Variants in CDYL observed in about 807,000 individuals in gnomAD.
The protein encoded by CDYL is chromodomain Y-like protein.
In CDYL, 8 loss-of-function variants were observed where a neutral mutation model predicts 47.3. The ratio of observed to expected loss-of-function variants is 0.17; its 90% confidence interval spans 0.10 to 0.31. The LOEUF (loss-of-function observed/expected upper bound fraction) is 0.31, where lower values mean the gene tolerates loss of function less well. Ranked by LOEUF, CDYL falls within the 10% of genes least tolerant of loss-of-function variation. The pLI, the probability that CDYL is intolerant of heterozygous loss-of-function variation, is 1.00. For synonymous variants in CDYL, 266 were observed against 265.0 expected (o/e 1.00, Z -0.04); for missense variants, 471 against 701.4 (o/e 0.67, Z 3.71).
rs143538444 is a variant in CDYL, at chr6:4,777,226, C to T, written c.24+419C>T. ...TTTGGGAGAGGGTTTTGCCCCTGGTCGGGGGGTGGCGGGGAGAAGACCGGT... is the reference window on the plus strand; with the variant it reads ...TTTGGGAGAGGGTTTTGCCCCTGGTTGGGGGGTGGCGGGGAGAAGACCGGT... On this transcript the variant is annotated intron_variant, in intron 1 of 6. Coordinates refer to ENST00000397588, the MANE Select transcript of CDYL (RefSeq NM_004824.4). 2.7e-5 allele frequency among the ~76,000 whole-genome samples: 4 copies of T among 148,642 alleles called. No homozygotes were observed. In the East Asian group the frequency reaches 7.8e-4, roughly 29 times the overall value.
chr6:4,830,853 G>A (rs1409068617), intron 1 of CDYL, among the ~76,000 whole-genome samples: 1 of 149,358 alleles, frequency 6.7e-6, no homozygotes, highest in Non-Finnish European at 1.5e-5. Flanking sequence ...AATATGCGGT[G>A]TTTGGTTTTT....
chr6:4,796,837 C>T (rs1193901883), intron 1 of CDYL, among the ~76,000 whole-genome samples: 1 of 152,076 alleles, frequency 6.6e-6, no homozygotes, highest in Non-Finnish European at 1.5e-5. Context: ...TTTGTTATTA[C>T]TATAATGTTT....
At chr6:4,850,959 A>G (rs1760805951) in intron 1 of CDYL, among the ~76,000 whole-genome samples, 1 of 152,214 alleles carries the variant, frequency 6.6e-6, no homozygotes, top group Non-Finnish European at 1.5e-5. Context: ...GGGAAATATA[A>G]TGGCACCGAG....
intron 1 of CDYL, among the ~76,000 whole-genome samples, chr6:4,804,055 G>A (rs1005371464): frequency 7.5e-5 from 11 of 146,162 alleles, no homozygotes; most frequent in African/African-American, 2.5e-4. Flanking sequence ...TTAAGAGTTT[G>A]CTCTCTTTAG....
chr6:4,759,190 C>T lies in CDYL; in HGVS notation c.186+24346C>T, dbSNP rs1039713364. On this transcript the variant is annotated intron_variant, in intron 3 of 8. Coordinates refer to the CDYL transcript ENST00000328908. ...TTCACCGTGTTACCCAGGATGGTCTCGATCTCCTGACCTTGTGATCCACGC... is the reference window on the plus strand; with the variant it reads ...TTCACCGTGTTACCCAGGATGGTCTTGATCTCCTGACCTTGTGATCCACGC... Among the ~76,000 whole-genome samples, 13 of 151,932 alleles carry T rather than the reference C, an allele frequency of 8.6e-5. 1 individual carries two copies. The highest frequency in any genetic ancestry group is 2.1e-4 in the South Asian group (1 of 4,822).
intron 1 of CDYL, among the ~76,000 whole-genome samples, chr6:4,846,495 T>C (rs1403922245): frequency 6.6e-6 from 1 of 152,210 alleles, no homozygotes; most frequent in African/African-American, 2.4e-5. Context: ...TTCTATGTAA[T>C]TGCTTCCCAT....
At position 4,835,810 on chromosome 6, in the gene CDYL, C is replaced by T. The variant is rs566832605; in HGVS notation, c.25-55903C>T. ...GGCGTCCCTCTCCCAGCCTCGTTGC[C>T]GCCTTGCAGTTTGATCTCAGACTGC... On this transcript the variant is annotated intron_variant, in intron 1 of 6. Transcript: ENST00000397588. Among the ~76,000 whole-genome samples, 41 of 152,296 alleles carry T rather than the reference C, an allele frequency of 2.7e-4. No individual in the cohort carries two copies. The East Asian group carries it at 6.4e-3, about 24-fold the overall frequency.
chr6:4,871,442 A>G (rs1761471954), intron 1 of CDYL, among the ~76,000 whole-genome samples: 1 of 152,220 alleles, frequency 6.6e-6, no homozygotes. Flanking sequence ...AACCCGTACT[A>G]TATCCTCAGC....
At chr6:4,847,246 G>A (rs1407638524) in intron 1 of CDYL, among the ~76,000 whole-genome samples, 2 of 152,166 alleles carry the variant, frequency 1.3e-5, no homozygotes, top group Non-Finnish European at 2.9e-5. Flanking sequence ...TCAAAGTTGA[G>A]TCTCTGTGCA....
chr6:4,949,463 T>C (rs7768378), intron 5 of CDYL, among the ~76,000 whole-genome samples: 11,994 of 152,278 alleles, frequency 0.079, 1,516 homozygotes, highest in African/African-American at 0.27. Flanking sequence ...CGTCCTGCTG[T>C]ACTCTGGCCA....
At chr6:4,900,817 A>ATATATATG (rs1757021859) in intron 2 of CDYL, among the ~76,000 whole-genome samples, 2 of 84,752 alleles carry the variant, frequency 2.4e-5, no homozygotes, top group African/African-American at 8.3e-5. Context: ...ATATATATAT[A>ATATATATG]TATATATATA....
Position 4,935,595 on chromosome 6 carries a change from A to G in CDYL, c.772A>G (p.Lys258Glu). 1 of 1,614,232 alleles carries G rather than the reference A, an allele frequency of 6.2e-7. No individual in the cohort carries two copies. Among genetic ancestry groups the G allele is most frequent in the Non-Finnish European group, 8.5e-7 (1 of 1,180,052 alleles). ...ATCTGTTACAGGAGTGACTGCCAGC[A>G]AAAGGAAATTTATTGACGACAGAAG... Reference protein sequence around the residue: ...QTSVTGVTASKRKFIDDRRDQ... With the variant: ...QTSVTGVTASERKFIDDRRDQ... Residue 258 changes from lysine to glutamate, a missense_variant, in exon 3 of 7, where the codon AAA (lysine) becomes GAA (glutamate). Physicochemically the swap from Lys to Glu is moderately conservative, Grantham distance 56. Around this residue, in one of 3 missense-constraint regions of CDYL, gnomAD observed 311 missense variants for 350.0 expected, o/e 0.89. Transcript: ENST00000397588.
chr6:4,915,067 A>G (rs1339978164), intron 2 of CDYL, among the ~76,000 whole-genome samples: 1 of 152,212 alleles, frequency 6.6e-6, no homozygotes, highest in Non-Finnish European at 1.5e-5. Context: ...CTCGTAGATC[A>G]TGTTTAACTC....
chr6:4,935,274 C>T (rs1758155835), intron 2 of CDYL, among the ~76,000 whole-genome samples: 1 of 152,094 alleles, frequency 6.6e-6, no homozygotes, highest in African/African-American at 2.4e-5. Flanking sequence ...CAATAAGTAC[C>T]TCTCCATCTG....
At chr6:4,773,412 G>GA (rs2127426239), upstream of CDYL, among the ~76,000 whole-genome samples, 2 of 152,186 alleles carry the variant, frequency 1.3e-5, no homozygotes, top group East Asian at 3.9e-4. This position sits in a 1 kb window ranked among gnomAD's most constrained non-coding sequence, Gnocchi z 4.6. Context: ...GGAAACTACA[G>GA]AACTTCACTG....
chr6:4,922,445 T>G (rs917407200), intron 2 of CDYL, among the ~76,000 whole-genome samples: 1 of 152,228 alleles, frequency 6.6e-6, no homozygotes, highest in Admixed American at 6.5e-5. Flanking sequence ...TGAATGATAT[T>G]GTTAAAAAAG....
At chr6:4,813,670 G>T (rs914558494) in intron 1 of CDYL, among the ~76,000 whole-genome samples, 1 of 152,146 alleles carries the variant, frequency 6.6e-6, no homozygotes, top group African/African-American at 2.4e-5. Context: ...TTATCCGATT[G>T]TTATTAGAAT....
chr6:4,950,788 C>T (rs1050089460), intron 5 of CDYL, among the ~76,000 whole-genome samples: 4 of 152,024 alleles, frequency 2.6e-5, no homozygotes, highest in Non-Finnish European at 5.9e-5. Context: ...AAAAATTAGC[C>T]GGGCGTGGTG....
chr6:4,730,357 A>G (rs1465063246), intron 2 of CDYL, among the ~76,000 whole-genome samples: 1 of 152,156 alleles, frequency 6.6e-6, no homozygotes, highest in African/African-American at 2.4e-5. Flanking sequence ...GAGTTCTCCT[A>G]CAGAAGCAGA....
Sources: gnomAD v4.1 joint callset for allele counts (sites outside exome capture counted in the v4.1 genomes callset) on GRCh38, gnomAD v4.1.1 for gene constraint, gnomAD v4.1.1 regional missense constraint, Gnocchi (gnomAD v3.1) non-coding constraint, MANE v1.5 for transcripts, NCBI Gene and HGNC (gene_info 2026-07-23, HGNC 2026-07-21) for gene names.